The following XPR1 variants were observed in gnomAD, a reference collection of about 807,000 sequenced individuals.
The protein encoded by XPR1 is solute carrier family 53 member 1.
A neutral mutation model predicts 87.5 loss-of-function variants in XPR1; 28 were observed. That is an observed-to-expected ratio of 0.32 (90% confidence interval 0.24 to 0.44). The LOEUF (loss-of-function observed/expected upper bound fraction) is 0.44. Among genes scored for constraint, XPR1 ranks in the 20% least tolerant of loss-of-function variants. XPR1 has a pLI of 1.00. For synonymous variants in XPR1, 300 were observed against 306.1 expected, an observed-to-expected ratio of 0.98 and a Z score of 0.21; for missense variants, 559 against 862.3, an observed-to-expected ratio of 0.65 and a Z score of 4.41.
chr1:180,817,915 T>C (rs1161212959), intron 7 of XPR1, among the ~76,000 whole-genome samples: 1 of 152,040 alleles, frequency 6.6e-6, no homozygotes, highest in Non-Finnish European at 1.5e-5. Context: ...TCTATATGTA[T>C]GTAACACTTA....
chr1:180,737,196 A>G (rs1293049305), intron 2 of XPR1, among the ~76,000 whole-genome samples: 1 of 152,174 alleles, frequency 6.6e-6, no homozygotes, highest in Non-Finnish European at 1.5e-5. Context: ...AACACTAGTC[A>G]TCATGGCAGT....
At chr1:180,882,954 T>A (rs1290504572) in intron 14 of XPR1, among the ~76,000 whole-genome samples, 1 of 151,888 alleles carries the variant, frequency 6.6e-6, no homozygotes, top group Non-Finnish European at 1.5e-5. Context: ...TTATATTTGT[T>A]TTTTGGGGGT....
intron 7 of XPR1, among the ~76,000 whole-genome samples, chr1:180,813,049 C>CG (rs941827681): frequency 2.1e-5 from 3 of 144,322 alleles, no homozygotes; most frequent in Admixed American, 6.9e-5. Context: ...TTCCCCCCCC[C>CG]CAATGGAAGT....
chr1:180,688,072 A>G (rs1319412942), intron 2 of XPR1, among the ~76,000 whole-genome samples: 2 of 137,082 alleles, frequency 1.5e-5, no homozygotes, highest in African/African-American at 5.7e-5. Flanking sequence ...TTTTTTTGAG[A>G]CAGTGTCTTG....
Position 180,889,332 on chromosome 1 carries a change from A to C in XPR1, c.*5266A>C, listed in dbSNP as rs1267281537. On this transcript the variant is annotated 3_prime_UTR_variant, in exon 15 of 15. Transcript: ENST00000367590. ...ACACAGTCTCGTATACCTTCAAACC[A>C]GTTACTTGACTAAACTTCCACCATA... is the stretch of plus-strand genomic sequence containing the variant. 6.6e-6 allele frequency: 1 copy of C among 152,210 alleles called. No individual in the cohort carries two copies. Among genetic ancestry groups the C allele is most frequent in the Non-Finnish European group, 1.5e-5 (1 of 68,038 alleles). 9.4% of individuals were successfully genotyped at this position (152,210 alleles called of 1,614,324 possible). A position where few individuals can be genotyped will look rare whatever the true frequency, so the allele number is the denominator to read the frequency against.
At chr1:180,652,395 G>T (rs540198268) in intron 1 of XPR1, among the ~76,000 whole-genome samples, 2 of 152,230 alleles carry the variant, frequency 1.3e-5, no homozygotes, top group East Asian at 3.9e-4. Flanking sequence ...TTAATTTTTA[G>T]AAGAGAGCAT....
chr1:180,712,833 TA>T (rs1160116343), intron 2 of XPR1, among the ~76,000 whole-genome samples: 2 of 150,688 alleles, frequency 1.3e-5, no homozygotes, highest in African/African-American at 2.4e-5. Context: ...TAAATAAAAA[TA>T]AAAAAATAAA....
In XPR1 at chr1:180,822,395, A is replaced by G. The variant is rs564989121; in HGVS notation, c.764-2358A>G. On this transcript the variant is annotated intron_variant, in intron 7 of 14. Coordinates refer to ENST00000367590, the MANE Select transcript of XPR1 (RefSeq NM_004736.4). ...CCTTAAGGTCATCTCCTTAAGTGTC[A>G]TCTCCTGAGAGTCTTCCCTGACCGC... Among the ~76,000 whole-genome samples the G allele has an allele frequency of 3.8e-4, 58 of 152,300 alleles. 3 individuals are homozygous for G. The South Asian group carries it at 0.01, about 27-fold the overall frequency.
intron 2 of XPR1, among the ~76,000 whole-genome samples, chr1:180,771,681 A>G (rs1037950672): frequency 6.6e-6 from 1 of 152,150 alleles, no homozygotes; most frequent in African/African-American, 2.4e-5. Flanking sequence ...TGATTTGTAC[A>G]ATATCTAAGT....
At chr1:180,651,373 T>C (rs2101904385) in intron 1 of XPR1, among the ~76,000 whole-genome samples, 1 of 152,318 alleles carries the variant, frequency 6.6e-6, no homozygotes, top group East Asian at 1.9e-4. Flanking sequence ...ATTACAGGTG[T>C]GAGCCACGCA....
chr1:180,763,178 A>G lies in XPR1; in HGVS notation c.122-24575A>G, dbSNP rs144851844. 3.6e-3 allele frequency among the ~76,000 whole-genome samples: 553 copies of G among 152,370 alleles called. 3 individuals are homozygous for G. Among genetic ancestry groups the G allele is most frequent in the Non-Finnish European group, 6.0e-3 (405 of 68,040 alleles). On this transcript the variant is annotated intron_variant, in intron 2 of 14. Transcript: ENST00000367590. ...ATATTTAGATTAATGAAGAATAAAT[A>G]TAAAAACACTGTCTTGAACAGCATG...
chr1:180,853,795 T>TG (rs1462436039), intron 11 of XPR1, among the ~76,000 whole-genome samples: 1 of 149,896 alleles, frequency 6.7e-6, no homozygotes, highest in Non-Finnish European at 1.5e-5. Context: ...CATGTGGTTT[T>TG]TTTTTTTTTT....
At chr1:180,807,615 A>G (rs1408963515) in intron 6 of XPR1, among the ~76,000 whole-genome samples, 2 of 152,212 alleles carry the variant, frequency 1.3e-5, no homozygotes, top group African/African-American at 4.8e-5. Flanking sequence ...TATTTTAAAG[A>G]TACGTTGTTT....
At chr1:180,795,050 C>A (rs556753100) in intron 3 of XPR1, among the ~76,000 whole-genome samples, 8 of 152,144 alleles carry the variant, frequency 5.3e-5, no homozygotes, top group Admixed American at 6.5e-5. Context: ...TCAACATTCT[C>A]ATAAACTTAC....
At chr1:180,675,806 T>A (rs1370596051) in intron 1 of XPR1, among the ~76,000 whole-genome samples, 1 of 152,140 alleles carries the variant, frequency 6.6e-6, no homozygotes, top group South Asian at 2.1e-4. Context: ...AAACAGTCCA[T>A]AGGTAATAAT....
Position 180,665,494 on chromosome 1 carries a change from G to A in XPR1, c.70-16866G>A, listed in dbSNP as rs112012353. Among the ~76,000 whole-genome samples the A allele has an allele frequency of 8.1e-3, 1,239 of 152,270 alleles. 7 individuals are homozygous for A. The highest frequency in any genetic ancestry group is 0.028 in the African/African-American group (1,164 of 41,546). ...AGACAGTCTTTCATGTTTATTTAGAGTGCCAGAGCACTTTAGCCCTTGGTG... is the reference window on the plus strand; with the variant it reads ...AGACAGTCTTTCATGTTTATTTAGAATGCCAGAGCACTTTAGCCCTTGGTG... On this transcript the variant is annotated intron_variant, in intron 1 of 14. Transcript: ENST00000367590.
intron 2 of XPR1, among the ~76,000 whole-genome samples, chr1:180,713,100 T>C (rs186885125): frequency 4.1e-4 from 62 of 152,172 alleles, no homozygotes; most frequent in African/African-American, 1.3e-3. Flanking sequence ...AACGTTGACA[T>C]CTTAATATTT....
chr1:180,659,090 T>C (rs12079485), intron 1 of XPR1, among the ~76,000 whole-genome samples: 4,727 of 148,732 alleles, frequency 0.032, 150 homozygotes, highest in African/African-American at 0.088. Flanking sequence ...CTTCCTTCCT[T>C]CCTCCCTCCC....
At position 180,806,539 on chromosome 1, in the gene XPR1, C is replaced by G; in HGVS notation, c.663C>G (p.Pro221=). The change falls in exon 6 of 15, where the codon CCC becomes CCG. Residue 221 remains proline (P), a synonymous_variant. Transcript: ENST00000367590. ...AGGCTATGAAGCGTTTACGTGTCCCCCCTTTGGGAGCTGCTCAGGTTAGTA... is the reference window on the plus strand; with the variant it reads ...AGGCTATGAAGCGTTTACGTGTCCCGCCTTTGGGAGCTGCTCAGGTTAGTA... ...RQKAMKRLRV[P]PLGAAQPAPA... 1.2e-5 allele frequency: 20 copies of G among 1,612,456 alleles called. No homozygotes were observed. Among genetic ancestry groups the G allele is most frequent in the Non-Finnish European group, 1.6e-5 (19 of 1,178,920 alleles).
Sources: allele counts gnomAD v4.1 joint callset (sites outside exome capture counted in the v4.1 genomes callset), GRCh38; gene constraint gnomAD v4.1.1; transcripts MANE v1.5; gene names NCBI Gene and HGNC (gene_info 2026-07-23, HGNC 2026-07-21).